Variants in GRAMD4 observed in about 807,000 individuals in gnomAD.
GRAMD4 encodes the protein GRAM domain-containing protein 4.
In GRAMD4, 25 loss-of-function variants were observed where a neutral mutation model predicts 83.9. That is an observed-to-expected ratio of 0.30 (90% CI 0.22 to 0.42). The LOEUF is 0.42. GRAMD4 is among the 10% of genes least tolerant of loss of function. The pLI, the probability that GRAMD4 is intolerant of heterozygous loss-of-function variation, is 1.00. For missense variants in GRAMD4, 593 were observed against 788.7 expected, an observed-to-expected ratio of 0.75 and a Z score of 2.97; for synonymous variants, 336 against 320.9, an observed-to-expected ratio of 1.05 and a Z score of -0.50.
In GRAMD4 at chr22:46,676,681, CG is replaced by C; in HGVS notation, c.1632+19del. 1.3e-6 allele frequency: 2 copies of C among 1,546,920 alleles called. No individual in the cohort carries two copies. The highest frequency in any genetic ancestry group is 8.7e-7 in the Non-Finnish European group (1 of 1,146,442). ...ATCCACCCAGAAAGTAGGTGCCGGG[CG>C]GGGGGCCGCCAAGGGGTTGGTGTGG... On this transcript the variant is annotated intron_variant, in intron 18 of 18. Transcript: ENST00000406902.
At chr22:46,646,732 T>C (rs996410302) in intron 3 of GRAMD4, among the ~76,000 whole-genome samples, 12 of 152,208 alleles carry the variant, frequency 7.9e-5, no homozygotes, top group Admixed American at 7.9e-4. Flanking sequence ...GTTTCTCTGG[T>C]GGTGAAAAGC....
At chr22:46,634,838 G>C (rs886987893) in intron 2 of GRAMD4, among the ~76,000 whole-genome samples, 2 of 151,974 alleles carry the variant, frequency 1.3e-5, no homozygotes, top group African/African-American at 4.8e-5. Flanking sequence ...AGCTACTTTG[G>C]AGGCTGAGGC....
intron 3 of GRAMD4, among the ~76,000 whole-genome samples, chr22:46,650,926 G>A (rs12170264): frequency 0.047 from 7,144 of 152,214 alleles, 498 homozygotes; most frequent in African/African-American, 0.15. Flanking sequence ...GGTCCCTCTG[G>A]GCACGCAGAG....
At chr22:46,616,894 A>C (rs1345132037), upstream of GRAMD4, among the ~76,000 whole-genome samples, 2 of 13,554 alleles carry the variant, frequency 1.5e-4, no homozygotes, top group Non-Finnish European at 1.4e-4. Context: ...CTGTGCGTGT[A>C]GTTTCCCCCG....
chr22:46,610,564 C>T (rs1055204410), intron 1 of GRAMD4, among the ~76,000 whole-genome samples: 5 of 152,228 alleles, frequency 3.3e-5, no homozygotes, highest in African/African-American at 4.8e-5. Context: ...ACCTAGGAGC[C>T]GCTCCCTGTG....
At chr22:46,625,890 C>A (rs149471543) in intron 1 of GRAMD4, among the ~76,000 whole-genome samples, 10 of 152,346 alleles carry the variant, frequency 6.6e-5, no homozygotes, top group African/African-American at 2.4e-4. Flanking sequence ...GTGAATTACG[C>A]GTGTCCTGAT....
chr22:46,668,225 G>A, intron 11 of GRAMD4, 58 bp downstream of exon 11: 1 of 1,272,574 alleles, frequency 7.9e-7, no homozygotes, highest in Non-Finnish European at 1.1e-6. Flanking sequence ...CACCAGCCAG[G>A]GGTGTGTCTA....
At chr22:46,649,649 C>T (rs2082135860) in intron 3 of GRAMD4, among the ~76,000 whole-genome samples, 1 of 152,240 alleles carries the variant, frequency 6.6e-6, no homozygotes, top group African/African-American at 2.4e-5. Flanking sequence ...ATGTGACGCA[C>T]TTGGAAGCTT....
chr22:46,679,842 C>T (rs1276437574), downstream of GRAMD4: 13 of 970,438 alleles, frequency 1.3e-5, no homozygotes, highest in Non-Finnish European at 1.6e-5. Flanking sequence ...CGGCCTGAGC[C>T]AGCTGGGCCA....
At chr22:46,664,194 C>T in intron 8 of GRAMD4, 77 bp downstream of exon 8, 1 of 1,054,584 alleles carries the variant, frequency 9.5e-7, no homozygotes. Context: ...CAGGCACCTT[C>T]CCAGGGTGGG....
rs184443475 is a variant in GRAMD4, at chr22:46,670,729, G to A, written c.1084+1821G>A. ...TAAGTGATTGTCCTGCCTCAGCCTCGGGAGTAGCTGGGATTACAGGGGTGC... is the reference window on the plus strand; with the variant it reads ...TAAGTGATTGTCCTGCCTCAGCCTCAGGAGTAGCTGGGATTACAGGGGTGC... On this transcript the variant is annotated intron_variant, in intron 13 of 18. Transcript: ENST00000406902. 1.1e-3 allele frequency among the ~76,000 whole-genome samples: 174 copies of A among 152,208 alleles called. 1 individual carries two copies. The highest frequency in any genetic ancestry group is 3.8e-3 in the African/African-American group (157 of 41,520).
At chr22:46,630,182 G>A (rs1243982538) in intron 2 of GRAMD4, among the ~76,000 whole-genome samples, 1 of 151,872 alleles carries the variant, frequency 6.6e-6, no homozygotes, top group Non-Finnish European at 1.5e-5. Flanking sequence ...ACACCACCAC[G>A]CCCGGCTAAT....
intron 1 of GRAMD4, among the ~76,000 whole-genome samples, chr22:46,624,383 C>T (rs973737367): frequency 8.3e-6 from 1 of 120,982 alleles, no homozygotes; most frequent in African/African-American, 3.3e-5. Flanking sequence ...GGCTGGAGTG[C>T]AATAGTGTGA....
chr22:46,668,959 T>G, intron 13 of GRAMD4, 51 bp downstream of exon 13: 2 of 992,732 alleles, frequency 2.0e-6, no homozygotes, highest in Non-Finnish European at 3.2e-6. Flanking sequence ...GACACAGGTG[T>G]CCGCATGCCA....
intron 10 of GRAMD4, among the ~76,000 whole-genome samples, 164 bp downstream of exon 10, chr22:46,667,037 C>T (rs899215601): frequency 6.6e-6 from 1 of 152,226 alleles, no homozygotes; most frequent in Non-Finnish European, 1.5e-5. Context: ...CCAGCCCCTC[C>T]CTAGCCCCAA....
chr22:46,670,900 G>A, intron 13 of GRAMD4: 1 of 223,678 alleles, frequency 4.5e-6, no homozygotes, highest in South Asian at 3.8e-5. Context: ...ACTGCGCCCG[G>A]CCCCTGCTGT....
chr22:46,630,905 G>T (rs1210341373), intron 2 of GRAMD4, among the ~76,000 whole-genome samples: 12 of 149,250 alleles, frequency 8.0e-5, no homozygotes, highest in African/African-American at 2.7e-4. Flanking sequence ...CCTCCGCAGT[G>T]TGCCCTCCAT....
chr22:46,577,319 C>T, intron 1 of GRAMD4: 1 of 980,808 alleles, frequency 1.0e-6, no homozygotes, highest in Non-Finnish European at 1.2e-6. Context: ...CACCCACCTA[C>T]CCCGACCTGG....
chr22:46,620,336 T>C (rs951878560), upstream of GRAMD4: 23 of 985,348 alleles, frequency 2.3e-5, no homozygotes, highest in African/African-American at 3.8e-4. This position sits in a 1 kb window ranked among gnomAD's most constrained non-coding sequence, Gnocchi z 4.7. Context: ...GCCTGGGGGA[T>C]CCTGGGAGAA....
Sources: gnomAD v4.1 joint callset for allele counts (sites outside exome capture counted in the v4.1 genomes callset) on GRCh38, gnomAD v4.1.1 for gene constraint, Gnocchi (gnomAD v3.1) non-coding constraint, MANE v1.5 for transcripts, NCBI Gene and HGNC (gene_info 2026-07-23, HGNC 2026-07-21) for gene names.